Variants in COL8A2 observed in about 807,000 individuals in gnomAD.
The protein encoded by COL8A2 is collagen type VIII alpha 2 chain.
In COL8A2, 16 loss-of-function variants were observed where a neutral mutation model predicts 24.0. That is an observed-to-expected ratio of 0.67 (90% CI 0.45 to 1.01). The LOEUF (loss-of-function observed/expected upper bound fraction) is 1.01, where lower values mean the gene tolerates loss of function less well. COL8A2 is among the 50% of genes least tolerant of loss of function. COL8A2 has a pLI of 0.00. For synonymous variants in COL8A2, 466 were observed against 424.5 expected (o/e 1.10, Z -1.20); for missense variants, 818 against 942.4 (o/e 0.87, Z 1.73).
chr1:36,116,166 AC>A (rs1643878690), intron 1 of COL8A2, among the ~76,000 whole-genome samples: 2 of 151,002 alleles, frequency 1.3e-5, no homozygotes. Context: ...TCTTACCAGA[AC>A]CCCCTGCTGG....
In COL8A2 at chr1:36,123,922, C is replaced by T. The variant is rs1425171009; in HGVS notation, c.-62+1135G>A. Among the ~76,000 whole-genome samples the T allele has an allele frequency of 6.6e-6, 1 of 152,138 alleles. No homozygotes were observed. The highest frequency in any genetic ancestry group is 1.5e-5 in the Non-Finnish European group (1 of 68,038). ...ATGGTGTCTCTCCAGAGATCACCAACTCCTGCCCTGCGGCCCCCTCTGCTT... is the reference window on the plus strand; with the variant it reads ...ATGGTGTCTCTCCAGAGATCACCAATTCCTGCCCTGCGGCCCCCTCTGCTT... On this transcript the variant is annotated intron_variant, in intron 1 of 3. Transcript: ENST00000397799. This position sits in a 1 kb window ranked among gnomAD's most constrained non-coding sequence, Gnocchi z 4.1.
chr1:36,100,396 A>T, intron 2 of COL8A2, 138 bp from the exon 3 acceptor site: 1 of 856,566 alleles, frequency 1.2e-6, no homozygotes, highest in Non-Finnish European at 1.8e-6. Context: ...CCGAATTTAG[A>T]TATTATTCAC....
At chr1:36,110,224 G>A (rs1393884942) in intron 2 of COL8A2, among the ~76,000 whole-genome samples, 1 of 148,594 alleles carries the variant, frequency 6.7e-6, no homozygotes, top group Admixed American at 6.8e-5. Flanking sequence ...GAGCCACCGC[G>A]CCAGGCCTAT....
intron 2 of COL8A2, among the ~76,000 whole-genome samples, chr1:36,102,387 G>C (rs752613977): frequency 9.2e-5 from 14 of 152,086 alleles, no homozygotes; most frequent in Non-Finnish European, 1.9e-4. Context: ...CACAGCCTCG[G>C]CCTCCCGGGC....
intron 2 of COL8A2, among the ~76,000 whole-genome samples, chr1:36,107,171 G>GCGA (rs1643773440): frequency 6.6e-6 from 1 of 152,210 alleles, no homozygotes; most frequent in Admixed American, 6.5e-5. Context: ...TCGGGAGGCT[G>GCGA]CGACGGGAGG....
chr1:36,113,594 G>T (rs957612370), intron 2 of COL8A2, among the ~76,000 whole-genome samples: 1 of 152,228 alleles, frequency 6.6e-6, no homozygotes, highest in Non-Finnish European at 1.5e-5. Context: ...TGCAGATAAG[G>T]ACTGCCCCAA....
chr1:36,100,117 C>T lies in COL8A2; in HGVS notation c.126G>A (p.Lys42=). The T allele has an allele frequency of 6.2e-7, 1 of 1,613,078 alleles. No individual in the cohort carries two copies. The highest frequency in any genetic ancestry group is 8.5e-7 in the Non-Finnish European group (1 of 1,179,498). ...AGGAAGYAPV[K]YIQPMQKGPV... is the part of the protein sequence containing the mutation. ...GTCCTTTCTGCATGGGCTGGATGTA[C>T]TTCACTGGGGCATAGCCCGCCGCCC... The change falls in exon 3 of 4, where the codon AAG becomes AAA. Residue 42 remains lysine, a synonymous_variant. Transcript: ENST00000397799.
chr1:36,101,590 C>T (rs1643679651), intron 2 of COL8A2, among the ~76,000 whole-genome samples: 1 of 152,198 alleles, frequency 6.6e-6, no homozygotes, highest in Non-Finnish European at 1.5e-5. Flanking sequence ...AGGAGGTCTC[C>T]TCATCCATGA....
In COL8A2 at chr1:36,099,017, C is replaced by A; in HGVS notation, c.664G>T (p.Gly222Trp). ...AGGCCGGGGGGGCCGGGGGCACCCC[C>A]CTGCCCTGGGGCCCCAGGCAGCCCG... ...QPGLPGAPGQ[G>W]GAPGPPGLPG... Residue 222 changes from glycine to tryptophan, a missense_variant, in exon 4 of 4, where the codon GGG becomes TGG. By Grantham distance (184) the Gly-to-Trp change is radical. Transcript: ENST00000397799. The A allele has an allele frequency of 1.3e-6, 2 of 1,556,376 alleles. No individual in the cohort carries two copies. The highest frequency in any genetic ancestry group is 1.2e-5 in the South Asian group (1 of 86,648).
At chr1:36,111,497 A>C (rs1392599522) in intron 2 of COL8A2, among the ~76,000 whole-genome samples, 1 of 149,860 alleles carries the variant, frequency 6.7e-6, no homozygotes, top group Non-Finnish European at 1.5e-5. Context: ...CACAGTGCCA[A>C]CTCCATCACC....
intron 1 of COL8A2, among the ~76,000 whole-genome samples, chr1:36,119,631 C>T (rs1291463190): frequency 2.0e-5 from 3 of 152,148 alleles, no homozygotes; most frequent in South Asian, 2.1e-4. Context: ...TGAGCAGAGC[C>T]GTGGTCGCCT....
intron 2 of COL8A2, among the ~76,000 whole-genome samples, chr1:36,101,055 G>T (rs1643673407): frequency 6.6e-6 from 1 of 152,004 alleles, no homozygotes; most frequent in African/African-American, 2.4e-5. Flanking sequence ...CACCACGCCT[G>T]GCTAATTCTT....
intron 2 of COL8A2, among the ~76,000 whole-genome samples, chr1:36,109,290 G>T (rs1038503581): frequency 2.0e-5 from 3 of 152,206 alleles, no homozygotes; most frequent in African/African-American, 7.2e-5. Flanking sequence ...CTTGCTCTCT[G>T]CGCTCTTGCT....
chr1:36,112,903 G>A (rs1265667612), intron 2 of COL8A2, among the ~76,000 whole-genome samples: 7 of 152,182 alleles, frequency 4.6e-5, no homozygotes, highest in Non-Finnish European at 7.3e-5. Context: ...TGAGCCACAC[G>A]TTGGCACAGT....
At chr1:36,106,318 C>T (rs547991100) in intron 2 of COL8A2, among the ~76,000 whole-genome samples, 1 of 152,010 alleles carries the variant, frequency 6.6e-6, no homozygotes, top group African/African-American at 2.4e-5. Flanking sequence ...GGGGGCCACT[C>T]GCCAAGAGCA....
In COL8A2 at chr1:36,099,614, C is replaced by G. The variant is rs544163722; in HGVS notation, c.194-127G>C. The G allele has an allele frequency of 7.9e-6, 6 of 756,242 alleles. No homozygotes were observed. The East Asian group carries it at 8.0e-5, about 10-fold the overall frequency. The allele number at this position is 756,242 out of a possible 1,614,324, so 46.8% of individuals were successfully genotyped here. On this transcript the variant is annotated intron_variant, in intron 3 of 3. Coordinates refer to ENST00000397799, the MANE Select transcript of COL8A2 (RefSeq NM_005202.4). Reference sequence around the variant, plus strand: ...AAGAATGGGGCTGCCCCTTCCTGCTCTCATGGAAGATGGGGTTTGGGGGTG... The same window carrying G: ...AAGAATGGGGCTGCCCCTTCCTGCTGTCATGGAAGATGGGGTTTGGGGGTG...
chr1:36,102,320 G>T (rs1204703421), intron 2 of COL8A2, among the ~76,000 whole-genome samples: 1 of 152,178 alleles, frequency 6.6e-6, no homozygotes, highest in Admixed American at 6.5e-5. Context: ...ACAGAAAGTG[G>T]ATCAGTGGTT....
At chr1:36,104,567 G>C (rs891185567) in intron 2 of COL8A2, among the ~76,000 whole-genome samples, 1 of 151,814 alleles carries the variant, frequency 6.6e-6, no homozygotes, top group Admixed American at 6.6e-5. Context: ...CAGCACTTTG[G>C]GAGGCCGAGG....
chr1:36,098,306 TC>T lies in COL8A2; in HGVS notation c.1374del (p.Arg459GlyfsTer24). On this transcript the variant is annotated frameshift_variant, in exon 4 of 4. Coordinates refer to ENST00000397799, the MANE Select transcript of COL8A2 (RefSeq NM_005202.4). LOFTEE classifies it high-confidence loss of function. ...GDLGLPGQPG[L>X]RGPSGIPGLQ... ...AGTCCTGGGATTCCTGAGGGACCCC[TC>T]AGGCCAGGCTGCCCAGGGAGCCCCA... is the stretch of plus-strand genomic sequence containing the variant. The T allele has an allele frequency of 6.5e-7, 1 of 1,547,544 alleles. No individual in the cohort carries two copies. Among genetic ancestry groups the T allele is most frequent in the Non-Finnish European group, 8.7e-7 (1 of 1,146,234 alleles).
Sources: allele counts gnomAD v4.1 joint callset (sites outside exome capture counted in the v4.1 genomes callset), GRCh38; gene constraint gnomAD v4.1.1; non-coding constraint Gnocchi (gnomAD v3.1); transcripts MANE v1.5; gene names NCBI Gene and HGNC (gene_info 2026-07-23, HGNC 2026-07-21).